The following UBAP2 variants were observed in gnomAD, a reference collection of about 807,000 sequenced individuals.
The protein encoded by UBAP2 is ubiquitin associated protein 2, also known as ubiquitin-associated protein 2.
UBAP2 carries 75 observed loss-of-function variants against 139.6 expected under a neutral mutation model. That is an observed-to-expected ratio of 0.54 (90% confidence interval 0.45 to 0.65). The LOEUF (loss-of-function observed/expected upper bound fraction) is 0.65, where lower values mean the gene tolerates loss of function less well. Ranked by LOEUF, UBAP2 falls within the 30% of genes least tolerant of loss-of-function variation. The probability of loss-of-function intolerance (pLI) is 0.00; values close to 1 mark genes in which losing one functional copy is unlikely to be tolerated. For missense variants in UBAP2, 1,368 were observed against 1,369.6 expected, an observed-to-expected ratio of 1.00 and a Z score of 0.02; for synonymous variants, 526 against 526.2, an observed-to-expected ratio of 1.00 and a Z score of 0.01.
At position 34,001,878 on chromosome 9, in the gene UBAP2, A is replaced by G. The variant is rs117911699; in HGVS notation, c.100-3014T>C. On this transcript the variant is annotated intron_variant, in intron 2 of 28. Coordinates refer to ENST00000379238, the MANE Select transcript of UBAP2 (RefSeq NM_001370062.2). ...AGTTTCTTAAATTATAAGCTTTACA[A>G]GTCAAACACAAGAAAAATTGAAAAA... Among the ~76,000 whole-genome samples, 17 of 152,218 alleles carry G rather than the reference A, an allele frequency of 1.1e-4. No individual in the cohort carries two copies. In the East Asian group the frequency reaches 3.1e-3, roughly 28 times the overall value.
At chr9:33,975,676 G>T (rs1370597522) in intron 6 of UBAP2, among the ~76,000 whole-genome samples, 1 of 151,114 alleles carries the variant, frequency 6.6e-6, no homozygotes, top group East Asian at 2.0e-4. Flanking sequence ...CGTAGTGGCA[G>T]GCGCCTGTAG....
chr9:33,998,841 G>T lies in UBAP2; in HGVS notation c.123C>A (p.Leu41=). 6.2e-7 allele frequency: 1 copy of T among 1,611,430 alleles called. No individual in the cohort carries two copies. The change falls in exon 3 of 29, where the codon CTC becomes CTA. Residue 41 remains leucine (L), a synonymous_variant. Transcript: ENST00000379238. ...CATTCTTATCAAAGATCACTTGAGC[G>T]AGACGCATCTGTTCAGCTGTTGCCT... ...VVQATAEQMR[L]AQVIFDKNDS...
intron 8 of UBAP2, 50 bp from the exon 9 acceptor site, chr9:33,963,841 G>C: frequency 4.4e-6 from 6 of 1,361,994 alleles, no homozygotes; most frequent in Non-Finnish European, 6.3e-6. Flanking sequence ...AAGAATGAAA[G>C]TATTCATCAC....
intron 4 of UBAP2, among the ~76,000 whole-genome samples, chr9:33,990,325 AAATT>A (rs1340975323): frequency 2.6e-5 from 4 of 152,196 alleles, no homozygotes; most frequent in Non-Finnish European, 5.9e-5. Flanking sequence ...TTAGCACTGG[AAATT>A]AATAAACTAA....
chr9:34,044,783 T>G (rs1054767372), intron 1 of UBAP2, among the ~76,000 whole-genome samples: 1 of 150,486 alleles, frequency 6.6e-6, no homozygotes, highest in Admixed American at 6.6e-5. Context: ...GGAGCATCAC[T>G]TGAACCCGGT....
At chr9:34,048,629 G>A (rs1267673993) in intron 1 of UBAP2, among the ~76,000 whole-genome samples, 196 bp downstream of exon 1, 1 of 152,134 alleles carries the variant, frequency 6.6e-6, no homozygotes, top group Non-Finnish European at 1.5e-5. Flanking sequence ...AGGGGAAGAG[G>A]AAGGAGGGAG....
At position 33,943,461 on chromosome 9, in the gene UBAP2, A is replaced by G; in HGVS notation, c.1674T>C (p.Asn558=). The change falls in exon 15 of 29, where the codon AAT becomes AAC. Residue 558 remains asparagine, a synonymous_variant. Transcript: ENST00000379238. ...ACAAGCTGATGGGAATCTGATTACT[A>G]TTTTCACTGCTTGGAGCTGATCCAA... ...SEFGSAPSSE[N]SNQIPISLYS... 1.2e-6 allele frequency: 2 copies of G among 1,614,202 alleles called. No homozygotes were observed. Among genetic ancestry groups the G allele is most frequent in the Non-Finnish European group, 1.7e-6 (2 of 1,180,034 alleles).
chr9:33,923,911 G>A lies in UBAP2; in HGVS notation c.2680C>T (p.His894Tyr), dbSNP rs370725250. The A allele has an allele frequency of 2.5e-6, 4 of 1,614,122 alleles. No homozygotes were observed. In the African/African-American group the frequency reaches 5.3e-5, roughly 22 times the overall value. ...ACGAAGGGCTGCTGGGCTGTGTGGT[G>A]GGTCTGTGATTGGCTCTGCTGTGGC... ...AQPQQSQSQT[H>Y]HTAQQPFVNP... Residue 894 changes from histidine to tyrosine, a missense_variant, in exon 24 of 29, where the codon CAC (histidine) becomes TAC (tyrosine). His to Tyr is a moderately conservative substitution (Grantham distance 83). Transcript: ENST00000379238.
In UBAP2 at chr9:34,008,026, G is replaced by T. The variant is rs577387110; in HGVS notation, c.99+9024C>A. Among the ~76,000 whole-genome samples the T allele has an allele frequency of 1.6e-3, 244 of 152,090 alleles. 1 individual carries two copies. The highest frequency in any genetic ancestry group is 4.9e-3 in the African/African-American group (205 of 41,504). On this transcript the variant is annotated intron_variant, in intron 2 of 28. Coordinates refer to ENST00000379238, the MANE Select transcript of UBAP2 (RefSeq NM_001370062.2). Reference sequence around the variant, plus strand: ...TAGTGACCAATTATTTTAAAAGAGGGCCAGAGGCTGAGGCAGGAGAATCGC... The same window carrying T: ...TAGTGACCAATTATTTTAAAAGAGGTCCAGAGGCTGAGGCAGGAGAATCGC...
At chr9:33,972,482 T>C (rs1472912679) in intron 7 of UBAP2, among the ~76,000 whole-genome samples, 1 of 152,208 alleles carries the variant, frequency 6.6e-6, no homozygotes, top group Admixed American at 6.5e-5. Context: ...CCACTACTTC[T>C]AGAAGGCATT....
rs146497777 is a variant in UBAP2 at position 33,933,628 on chromosome 9, G to A, written c.1970C>T (p.Thr657Ile). ...GGGRSQQTLD[T>I]PKTTGPPSAL... The stretch of plus-strand genomic sequence containing the variant: ...AGAGGGAGGGCCTGTTGTCTTTGGA[G>A]CTGGAACAGATGAAGTAGCTGTAAG... The change falls in exon 18 of 29, where the codon ACT becomes ATT. Residue 657 changes from threonine to isoleucine, a missense_variant and splice_region_variant. Physicochemically the swap from Thr to Ile is moderately conservative, Grantham distance 89. Coordinates refer to ENST00000379238, the MANE Select transcript of UBAP2 (RefSeq NM_001370062.2). The A allele has an allele frequency of 1.2e-6, 2 of 1,613,572 alleles. No individual in the cohort carries two copies. The highest frequency in any genetic ancestry group is 1.3e-5 in the African/African-American group (1 of 74,878).
At chr9:33,955,039 A>T (rs144218210) in intron 11 of UBAP2, among the ~76,000 whole-genome samples, 1 of 152,208 alleles carries the variant, frequency 6.6e-6, no homozygotes, top group Non-Finnish European at 1.5e-5. Flanking sequence ...TGGTTATCCC[A>T]TAAGTTCCTT....
chr9:33,928,044 G>C, intron 19 of UBAP2, 52 bp from the exon 20 acceptor site: 1 of 1,544,178 alleles, frequency 6.5e-7, no homozygotes, highest in South Asian at 1.3e-5. Flanking sequence ...GGAGGAGGGT[G>C]CTGGGGAGAG....
intron 8 of UBAP2, among the ~76,000 whole-genome samples, chr9:33,965,465 A>T (rs912895395): frequency 2.6e-5 from 4 of 152,046 alleles, no homozygotes; most frequent in Admixed American, 6.6e-5. Flanking sequence ...TACTTTGTCA[A>T]TTTTCTCTTT....
At chr9:33,952,123 G>T (rs1826152741) in intron 12 of UBAP2, among the ~76,000 whole-genome samples, 1 of 152,172 alleles carries the variant, frequency 6.6e-6, no homozygotes, top group Non-Finnish European at 1.5e-5. Flanking sequence ...TTTGACTCGG[G>T]AGAAAATTCT....
rs1313262990 is a variant in UBAP2 at position 33,998,786 on chromosome 9, C to T, written c.177+1G>A. 1 of 1,610,710 alleles carries T rather than the reference C, an allele frequency of 6.2e-7. No homozygotes were observed. Among genetic ancestry groups the T allele is most frequent in the Non-Finnish European group, 8.5e-7 (1 of 1,178,854 alleles). ...GATGATATCCTTTGCCAGAAACATA[C>T]CTGCTTAACTTTAGCTTCAAAATCT... On this transcript the variant is annotated splice_donor_variant, in intron 3 of 28. Coordinates refer to ENST00000379238, the MANE Select transcript of UBAP2 (RefSeq NM_001370062.2). LOFTEE classifies it high-confidence loss of function.
At chr9:34,014,720 G>A (rs939543130) in intron 2 of UBAP2, among the ~76,000 whole-genome samples, 3 of 151,350 alleles carry the variant, frequency 2.0e-5, no homozygotes, top group Non-Finnish European at 2.9e-5. Context: ...ACTTGAACCC[G>A]GGAAGTGGAG....
At chr9:34,008,858 T>A (rs1823475729) in intron 2 of UBAP2, among the ~76,000 whole-genome samples, 1 of 148,096 alleles carries the variant, frequency 6.8e-6, no homozygotes, top group African/African-American at 2.5e-5. Flanking sequence ...CCAACTACTT[T>A]GGAGGCTGAG....
At chr9:34,008,186 C>T (rs1184423841) in intron 2 of UBAP2, among the ~76,000 whole-genome samples, 2 of 151,840 alleles carry the variant, frequency 1.3e-5, no homozygotes, top group African/African-American at 2.4e-5. Flanking sequence ...GGCATGGTGG[C>T]GCATGCCTGT....
Sources: gnomAD v4.1 joint callset for allele counts (sites outside exome capture counted in the v4.1 genomes callset) on GRCh38, gnomAD v4.1.1 for gene constraint, MANE v1.5 for transcripts, NCBI Gene and HGNC (gene_info 2026-07-23, HGNC 2026-07-21) for gene names.